The following RBFOX3 variants were observed in gnomAD, a reference collection of about 807,000 sequenced individuals.
The protein encoded by RBFOX3 is RNA binding fox-1 homolog 3, also known as RNA binding protein fox-1 homolog 3.
In RBFOX3, 17 loss-of-function variants were observed where a neutral mutation model predicts 48.7. The ratio of observed to expected loss-of-function variants is 0.35; its 90% confidence interval spans 0.24 to 0.52. The LOEUF is 0.52. RBFOX3 is among the 20% of genes least tolerant of loss of function. RBFOX3 has a pLI of 0.94. For synonymous variants in RBFOX3, 212 were observed against 209.5 expected (o/e 1.01, Z -0.10); for missense variants, 382 against 497.5 (o/e 0.77, Z 2.21).
intron 4 of RBFOX3, among the ~76,000 whole-genome samples, chr17:79,170,904 G>T (rs913381185): frequency 2.0e-5 from 3 of 152,162 alleles, no homozygotes; most frequent in African/African-American, 7.2e-5. Flanking sequence ...ACTCAACCCT[G>T]TCTTTCCACG....
At chr17:79,342,726 A>C (rs1453471906) in intron 2 of RBFOX3, among the ~76,000 whole-genome samples, 1 of 152,264 alleles carries the variant, frequency 6.6e-6, no homozygotes, top group Non-Finnish European at 1.5e-5. Context: ...CCTAATGAGA[A>C]TAATGGGGGA....
the RBFOX3 span, among the ~76,000 whole-genome samples, chr17:79,635,777 T>A: frequency 1.0e-3 from 154 of 152,348 alleles, no homozygotes; most frequent in Non-Finnish European, 1.6e-3. Flanking sequence ...GGAAAAATGC[T>A]GTTTCACAGA....
chr17:79,570,518 C>T (rs2092636601), intron 1 of RBFOX3, among the ~76,000 whole-genome samples: 1 of 152,214 alleles, frequency 6.6e-6, no homozygotes, highest in East Asian at 1.9e-4. Flanking sequence ...CTTCCCCCTA[C>T]TGACTGGCAC....
At chr17:79,174,093 A>G (rs2049985186) in intron 4 of RBFOX3, among the ~76,000 whole-genome samples, 1 of 152,042 alleles carries the variant, frequency 6.6e-6, no homozygotes, top group Non-Finnish European at 1.5e-5. Context: ...TCAGTCCCAA[A>G]TGGGGAGAAC....
intron 2 of RBFOX3, among the ~76,000 whole-genome samples, chr17:79,469,092 T>A (rs1268750875): frequency 2.0e-5 from 3 of 152,070 alleles, no homozygotes; most frequent in African/African-American, 7.3e-5. Flanking sequence ...GATAGATAGA[T>A]GGATACAGAT....
intron 2 of RBFOX3, among the ~76,000 whole-genome samples, chr17:79,314,100 A>G (rs1490724525): frequency 6.6e-6 from 1 of 152,194 alleles, no homozygotes; most frequent in Non-Finnish European, 1.5e-5. Flanking sequence ...GGGGCTACAG[A>G]CAATGGGGTC....
intron 5 of RBFOX3, among the ~76,000 whole-genome samples, chr17:79,112,431 G>A (rs913793664): frequency 1.3e-5 from 2 of 152,344 alleles, no homozygotes; most frequent in South Asian, 2.1e-4. Flanking sequence ...CGGGGGAGGA[G>A]GAGCAGGAAG....
Position 79,419,529 on chromosome 17 carries a change from C to T in RBFOX3, c.-175+62925G>A, listed in dbSNP as rs192418969. Among the ~76,000 whole-genome samples the T allele has an allele frequency of 3.6e-4, 55 of 152,320 alleles. 1 individual carries two copies. The highest frequency in any genetic ancestry group is 1.2e-3 in the African/African-American group (51 of 41,580). On this transcript the variant is annotated intron_variant, in intron 2 of 14. Coordinates refer to ENST00000693108, the MANE Select transcript of RBFOX3 (RefSeq NM_001350451.2). ...CACACGTGTGCACAAAATTCAGAGG[C>T]GCTCAGGCGCTCCGAGGTTCACAAA...
chr17:79,346,081 T>G (rs897747635), intron 2 of RBFOX3, among the ~76,000 whole-genome samples: 1 of 152,078 alleles, frequency 6.6e-6, no homozygotes, highest in Non-Finnish European at 1.5e-5. Flanking sequence ...CCACCATACC[T>G]GGCTAATTTT....
intron 2 of RBFOX3, among the ~76,000 whole-genome samples, chr17:79,428,762 ACACT>A (rs1169670118): frequency 6.6e-6 from 1 of 152,190 alleles, no homozygotes; most frequent in African/African-American, 2.4e-5. Flanking sequence ...AGGGTAGGTG[ACACT>A]CCCTGCCCCC....
chr17:79,280,239 A>ACACACACACATG (rs1357991975), intron 3 of RBFOX3, among the ~76,000 whole-genome samples: 4 of 7,612 alleles, frequency 5.3e-4, no homozygotes, highest in African/African-American at 8.5e-4. Flanking sequence ...GCACACATGC[A>ACACACACACATG]CACACACACA....
At chr17:79,403,138 C>G (rs576873371) in intron 2 of RBFOX3, among the ~76,000 whole-genome samples, 118 of 152,294 alleles carry the variant, frequency 7.7e-4, no homozygotes, top group African/African-American at 2.8e-3. Flanking sequence ...GCTCCCTCCC[C>G]CTCGCTGGGG....
intron 12 of RBFOX3, among the ~76,000 whole-genome samples, chr17:79,096,201 C>T (rs2075215188): frequency 6.6e-6 from 1 of 152,180 alleles, no homozygotes; most frequent in Non-Finnish European, 1.5e-5. Flanking sequence ...CATGTGGCCC[C>T]ATGAAGGGGG....
intron 4 of RBFOX3, among the ~76,000 whole-genome samples, chr17:79,207,767 G>A (rs1433703185): frequency 2.0e-5 from 3 of 152,122 alleles, no homozygotes; most frequent in Non-Finnish European, 2.9e-5. Context: ...TGGAGACTGG[G>A]GTGCACACCA....
intron 2 of RBFOX3, among the ~76,000 whole-genome samples, chr17:79,457,732 G>T (rs2074754654): frequency 6.6e-6 from 1 of 152,246 alleles, no homozygotes; most frequent in Non-Finnish European, 1.5e-5. Context: ...GCACACAACA[G>T]CCATGAGATC....
rs143203352 is a variant in RBFOX3 at position 79,297,851 on chromosome 17, T to C, written c.-74+9873A>G. 6.4e-3 allele frequency among the ~76,000 whole-genome samples: 976 copies of C among 152,320 alleles called. 8 individuals are homozygous for C. The highest frequency in any genetic ancestry group is 6.9e-3 in the Non-Finnish European group (466 of 68,018). ...ACTCTTTAGAAATTGTTCTAAACAG[T>C]TGAGCAGAAAAGCCTATTTGTCTGA... On this transcript the variant is annotated intron_variant, in intron 3 of 14. Coordinates refer to ENST00000693108, the MANE Select transcript of RBFOX3 (RefSeq NM_001350451.2).
chr17:79,512,574 G>A (rs1342047910), intron 1 of RBFOX3, among the ~76,000 whole-genome samples: 1 of 149,586 alleles, frequency 6.7e-6, no homozygotes, highest in Non-Finnish European at 1.5e-5. Context: ...CACCCACCCA[G>A]ATACATGTTA....
chr17:79,540,875 G>A (rs1408238601), intron 1 of RBFOX3, among the ~76,000 whole-genome samples: 2 of 152,114 alleles, frequency 1.3e-5, no homozygotes, highest in African/African-American at 2.4e-5. Context: ...TACTTCAACC[G>A]GACACTTCAG....
chr17:79,412,459 G>A (rs1285527112), intron 2 of RBFOX3, among the ~76,000 whole-genome samples: 2 of 151,860 alleles, frequency 1.3e-5, no homozygotes, highest in Non-Finnish European at 2.9e-5. Context: ...AGCGTATTGT[G>A]TATGTGTGTG....
Sources: allele counts gnomAD v4.1 joint callset (sites outside exome capture counted in the v4.1 genomes callset), GRCh38; gene constraint gnomAD v4.1.1; transcripts MANE v1.5; gene names NCBI Gene and HGNC (gene_info 2026-07-23, HGNC 2026-07-21).